Variants in MRAP2 observed in about 807,000 individuals in gnomAD.
MRAP2 encodes melanocortin-2 receptor accessory protein 2.
A neutral mutation model predicts 17.4 loss-of-function variants in MRAP2; 20 were observed. That is an observed-to-expected ratio of 1.15 (90% CI 0.81 to 1.67). The LOEUF (loss-of-function observed/expected upper bound fraction) is 1.67. MRAP2 is among the 40% of genes most tolerant of loss of function. The pLI is 0.00. For synonymous variants in MRAP2, 96 were observed against 88.4 expected, an observed-to-expected ratio of 1.09 and a Z score of -0.48; for missense variants, 238 against 240.0, an observed-to-expected ratio of 0.99 and a Z score of 0.05.
chr6:84,091,348 C>A (rs550158578), downstream of MRAP2, among the ~76,000 whole-genome samples: 4 of 150,418 alleles, frequency 2.7e-5, no homozygotes, highest in Non-Finnish European at 4.4e-5. Flanking sequence ...CCTGCCTCAG[C>A]TTCCCAAGTT....
intron 1 of MRAP2, among the ~76,000 whole-genome samples, chr6:84,036,409 A>G (rs933103298): frequency 7.2e-5 from 11 of 152,174 alleles, no homozygotes; most frequent in African/African-American, 2.7e-4. Flanking sequence ...GACTTCAAGA[A>G]TGAAGCCACG....
At chr6:84,131,233 T>G in the MRAP2 span, among the ~76,000 whole-genome samples, 1 of 152,178 alleles carries the variant, frequency 6.6e-6, no homozygotes, top group Non-Finnish European at 1.5e-5. Flanking sequence ...TTTGTTATGA[T>G]TTCCATTCTT....
At chr6:84,133,939 C>T in the MRAP2 span, among the ~76,000 whole-genome samples, 5 of 152,180 alleles carry the variant, frequency 3.3e-5, no homozygotes, top group Non-Finnish European at 7.3e-5. Flanking sequence ...TCTTATGAGT[C>T]GCTCATGCTA....
At chr6:84,142,607 A>AT in the MRAP2 span, among the ~76,000 whole-genome samples, 5 of 152,200 alleles carry the variant, frequency 3.3e-5, no homozygotes, top group African/African-American at 1.2e-4. Flanking sequence ...CTGGGATATG[A>AT]TTAGTTTAAC....
chr6:84,143,404 A>G, the MRAP2 span, among the ~76,000 whole-genome samples: 1 of 152,026 alleles, frequency 6.6e-6, no homozygotes, highest in Non-Finnish European at 1.5e-5. Context: ...TCTAATATAC[A>G]TATATTTAAA....
the MRAP2 span, among the ~76,000 whole-genome samples, chr6:84,135,963 G>T: frequency 1.4e-4 from 22 of 152,186 alleles, no homozygotes; most frequent in Admixed American, 1.4e-3. Context: ...AGTCTTCCTG[G>T]TCACTTTGCT....
chr6:84,124,368 T>G, the MRAP2 span: 3 of 150,782 alleles, frequency 2.0e-5, no homozygotes, highest in South Asian at 2.1e-4. Flanking sequence ...TAGAGAGAGA[T>G]ATATAAATGG....
At chr6:84,044,273 G>A (rs536109259) in intron 1 of MRAP2, among the ~76,000 whole-genome samples, 10 of 152,066 alleles carry the variant, frequency 6.6e-5, no homozygotes, top group South Asian at 4.1e-4. Flanking sequence ...CGCCACCTCC[G>A]CCTCCCAGGT....
rs1037151737 is a variant in MRAP2, at chr6:84,045,454, A to G, written c.-7-9858A>G. On this transcript the variant is annotated intron_variant, in intron 1 of 3. Coordinates refer to ENST00000257776, the MANE Select transcript of MRAP2 (RefSeq NM_138409.4). ...CGTCACCCTTCATTGAAAATGAAGA[A>G]GCCTGAAAAAAAAAAATATACACAC... 47 of 931,324 alleles carry G rather than the reference A, an allele frequency of 5.0e-5. 1 individual carries two copies. The South Asian group carries it at 1.7e-3, about 33-fold the overall frequency. The allele number at this position is 931,324 out of a possible 1,614,324, so 57.7% of individuals were successfully genotyped here. A position where few individuals can be genotyped will look rare whatever the true frequency, so the allele number is the denominator to read the frequency against.
the MRAP2 span, among the ~76,000 whole-genome samples, chr6:84,108,856 T>C: frequency 6.6e-6 from 1 of 152,184 alleles, no homozygotes; most frequent in South Asian, 2.1e-4. Context: ...TTATATATGG[T>C]GTAAGGAAGG....
chr6:84,079,681 G>A (rs137881577), intron 3 of MRAP2, among the ~76,000 whole-genome samples: 311 of 152,258 alleles, frequency 2.0e-3, no homozygotes, highest in African/African-American at 7.1e-3. Flanking sequence ...TTTGGTAATA[G>A]GGCACTGCAG....
intron 3 of MRAP2, among the ~76,000 whole-genome samples, chr6:84,069,846 T>G (rs1477379394): frequency 6.6e-6 from 1 of 152,208 alleles, no homozygotes; most frequent in Non-Finnish European, 1.5e-5. Context: ...CAGGAATTTA[T>G]CCATCTCTTC....
chr6:84,094,051 G>A (rs1157632337), downstream of MRAP2, among the ~76,000 whole-genome samples: 2 of 152,124 alleles, frequency 1.3e-5, no homozygotes, highest in Non-Finnish European at 2.9e-5. Context: ...AAGAACTAGG[G>A]TGTCTCCTGG....
intron 3 of MRAP2, among the ~76,000 whole-genome samples, chr6:84,068,419 A>G (rs1438326827): frequency 6.6e-6 from 1 of 152,138 alleles, no homozygotes; most frequent in Non-Finnish European, 1.5e-5. Flanking sequence ...TAATTCTGTG[A>G]AGAATGATGG....
intron 3 of MRAP2, among the ~76,000 whole-genome samples, chr6:84,073,892 T>TG (rs1364242729): frequency 2.0e-5 from 3 of 150,570 alleles, no homozygotes; most frequent in Admixed American, 6.6e-5. Flanking sequence ...GTGTGTGTTT[T>TG]TTTTTTTTTT....
In MRAP2 at chr6:84,044,331, C is replaced by CA. The variant is rs1035573371; in HGVS notation, c.-8+10449dup. Among the ~76,000 whole-genome samples, 93 of 152,362 alleles carry CA rather than the reference C, an allele frequency of 6.1e-4. 1 individual carries two copies. Among genetic ancestry groups the CA allele is most frequent in the African/African-American group, 2.2e-3 (90 of 41,598 alleles). ...CCTCCCAAGTAGCTGGGATTAAAGG[C>CA]ATGCGCCACCACACCTGGCTAATTT... On this transcript the variant is annotated intron_variant, in intron 1 of 3. Transcript: ENST00000257776.
chr6:84,051,080 T>G (rs1199900867), intron 1 of MRAP2, among the ~76,000 whole-genome samples: 1 of 152,136 alleles, frequency 6.6e-6, no homozygotes, highest in African/African-American at 2.4e-5. Context: ...CTGCTGATGT[T>G]TACCCCTTAA....
At chr6:84,099,464 AT>A in the MRAP2 span, among the ~76,000 whole-genome samples, 1 of 152,166 alleles carries the variant, frequency 6.6e-6, no homozygotes, top group African/African-American at 2.4e-5. Context: ...TCATGTTTAA[AT>A]GTAACCTCCG....
At position 84,058,266 on chromosome 6, in the gene MRAP2, C is replaced by T. The variant is rs74752981; in HGVS notation, c.127+2821C>T. 5.9e-5 allele frequency among the ~76,000 whole-genome samples: 9 copies of T among 152,290 alleles called. No individual in the cohort carries two copies. The East Asian group carries it at 1.7e-3, about 29-fold the overall frequency. ...TAGTCCAGGCAGCTGATGATGGTGG[C>T]TTGGAGCCAGGTAGGGAGAGTGAAG... On this transcript the variant is annotated intron_variant, in intron 2 of 3. Coordinates refer to ENST00000257776, the MANE Select transcript of MRAP2 (RefSeq NM_138409.4).
Sources: allele counts gnomAD v4.1 joint callset (sites outside exome capture counted in the v4.1 genomes callset), GRCh38; gene constraint gnomAD v4.1.1; transcripts MANE v1.5; gene names NCBI Gene and HGNC (gene_info 2026-07-23, HGNC 2026-07-21).